Variants in DENND2B observed in about 807,000 individuals in gnomAD.
DENND2B encodes DENN domain-containing protein 2B.
Under a neutral mutation model 116.0 loss-of-function variants are expected in DENND2B, and 32 were observed. The observed-to-expected ratio is 0.28, with a 90% CI of 0.21 to 0.37. The LOEUF (loss-of-function observed/expected upper bound fraction) is 0.37, where lower values mean the gene tolerates loss of function less well. Among genes scored for constraint, DENND2B ranks in the 10% least tolerant of loss-of-function variants. The probability of loss-of-function intolerance (pLI) is 1.00; values close to 1 mark genes in which losing one functional copy is unlikely to be tolerated. For missense variants in DENND2B, 1,276 were observed against 1,477.7 expected (o/e 0.86, Z 2.24); for synonymous variants, 588 against 583.9 (o/e 1.01, Z -0.10).
chr11:8,707,729 G>T lies in DENND2B; in HGVS notation c.2430+48C>A. 6.4e-7 allele frequency: 1 copy of T among 1,556,332 alleles called. No individual in the cohort carries two copies. The highest frequency in any genetic ancestry group is 1.2e-5 in the South Asian group (1 of 85,354). On this transcript the variant is annotated intron_variant, in intron 12 of 19. Coordinates refer to ENST00000313726, the MANE Select transcript of DENND2B (RefSeq NM_213618.2). This position sits in a 1 kb window ranked among gnomAD's most constrained non-coding sequence, Gnocchi z 4.8. ...AAGCTGGCTGCAGATACTCCTGTGGGAGCTGTCAGCTGGGGGACGGGGAGG... is the reference window on the plus strand; with the variant it reads ...AAGCTGGCTGCAGATACTCCTGTGGTAGCTGTCAGCTGGGGGACGGGGAGG...
chr11:8,709,606 C>T (rs1341790531), intron 11 of DENND2B, among the ~76,000 whole-genome samples: 1 of 152,188 alleles, frequency 6.6e-6, no homozygotes, highest in Admixed American at 6.5e-5. Flanking sequence ...GGCATTCTAC[C>T]TCCCCACGCC....
chr11:8,699,411 CAG>C lies in DENND2B; in HGVS notation c.2721-23_2721-22del, dbSNP rs547989313. On this transcript the variant is annotated intron_variant, in intron 14 of 19. Coordinates refer to ENST00000313726, the MANE Select transcript of DENND2B (RefSeq NM_213618.2). ...GGGTACTGATGGGCAGACAGAGAGA[CAG>C]AGTACCTGAGCCCAGGCCCAGGAAC... The C allele has an allele frequency of 5.3e-5, 84 of 1,578,150 alleles. No individual in the cohort carries two copies. In the African/African-American group the frequency reaches 9.5e-4, roughly 18 times the overall value.
intron 1 of DENND2B, among the ~76,000 whole-genome samples, chr11:8,895,105 C>T (rs1171922503): frequency 1.3e-5 from 2 of 151,990 alleles, no homozygotes; most frequent in Non-Finnish European, 2.9e-5. Context: ...TGTAGGGACA[C>T]GGATGAAGCT....
At chr11:8,875,568 G>A (rs1019987478), upstream of DENND2B, among the ~76,000 whole-genome samples, 9 of 151,328 alleles carry the variant, frequency 5.9e-5, no homozygotes, top group African/African-American at 2.2e-4. Context: ...ACAACACATG[G>A]CTAATCTTTT....
intron 4 of DENND2B, among the ~76,000 whole-genome samples, chr11:8,817,705 C>A (rs566291876): frequency 6.6e-6 from 1 of 152,300 alleles, no homozygotes; most frequent in East Asian, 1.9e-4. Context: ...CAGCTCACAA[C>A]CCTCCGTATA....
chr11:8,696,515 G>A lies in DENND2B; in HGVS notation c.3204C>T (p.Ser1068=), dbSNP rs368933981. 77 of 1,614,092 alleles carry A rather than the reference G, an allele frequency of 4.8e-5. 1 individual carries two copies. Among genetic ancestry groups the A allele is most frequent in the South Asian group, 4.0e-4 (36 of 91,086 alleles). The change falls in exon 18 of 20, where the codon AGC becomes AGT. Residue 1068 remains serine (S), a synonymous_variant. Coordinates refer to ENST00000313726, the MANE Select transcript of DENND2B (RefSeq NM_213618.2). ...EAFRKSVASK[S]IRRFLEVFME... ...TAAAAACCTCAAGAAAGCGGCGGAT[G>A]CTTTTGGAGGCCACAGATTTGCGGA...
intron 11 of DENND2B, among the ~76,000 whole-genome samples, chr11:8,710,052 C>A (rs530033622): frequency 2.6e-5 from 4 of 152,218 alleles, no homozygotes; most frequent in African/African-American, 7.2e-5. Context: ...AATGAATGGC[C>A]GGCCCCAAAT....
intron 4 of DENND2B, among the ~76,000 whole-genome samples, chr11:8,721,005 G>C (rs1334676622): frequency 1.3e-5 from 2 of 152,010 alleles, no homozygotes; most frequent in Non-Finnish European, 2.9e-5. Flanking sequence ...GCTTTCTTGG[G>C]ACAGTCCACA....
chr11:8,772,156 CA>C (rs1250168278), intron 1 of DENND2B, among the ~76,000 whole-genome samples: 9 of 151,824 alleles, frequency 5.9e-5, no homozygotes, highest in Non-Finnish European at 1.0e-4. Flanking sequence ...CACACACACA[CA>C]CACCAAAATT....
chr11:8,777,960 G>A (rs901537117), intron 1 of DENND2B, among the ~76,000 whole-genome samples: 1 of 152,176 alleles, frequency 6.6e-6, no homozygotes, highest in Non-Finnish European at 1.5e-5. Flanking sequence ...CTTTTCCAGA[G>A]AGGCTGAATG....
chr11:8,904,555 G>T (rs941254280), intron 1 of DENND2B, among the ~76,000 whole-genome samples: 1 of 152,140 alleles, frequency 6.6e-6, no homozygotes, highest in Non-Finnish European at 1.5e-5. Flanking sequence ...ATTCAACATT[G>T]TACTACAGGT....
Position 8,706,801 on chromosome 11 carries a change from G to C in DENND2B, c.2571+284C>G, listed in dbSNP as rs1002328595. Among the ~76,000 whole-genome samples the C allele has an allele frequency of 2.0e-5, 3 of 152,200 alleles. No homozygotes were observed. The East Asian group carries it at 5.8e-4, about 29-fold the overall frequency. Reference sequence around the variant, plus strand: ...GGTCTGGCGCAATCCCTGATTGTGAGATGGCACACATTCAGTAACTGTTCA... The same window carrying C: ...GGTCTGGCGCAATCCCTGATTGTGACATGGCACACATTCAGTAACTGTTCA... On this transcript the variant is annotated intron_variant, in intron 13 of 19. Coordinates refer to ENST00000313726, the MANE Select transcript of DENND2B (RefSeq NM_213618.2).
chr11:8,720,588 G>C (rs539259633), intron 4 of DENND2B, among the ~76,000 whole-genome samples: 1 of 152,132 alleles, frequency 6.6e-6, no homozygotes, highest in Non-Finnish European at 1.5e-5. Flanking sequence ...GCAAATAGAC[G>C]GCTGGCTGCA....
chr11:8,739,249 G>A (rs1473749130), intron 2 of DENND2B, among the ~76,000 whole-genome samples: 5 of 152,110 alleles, frequency 3.3e-5, no homozygotes, highest in East Asian at 1.9e-4. Flanking sequence ...CGAAGCACTC[G>A]GTGCAGCCCA....
chr11:8,767,056 C>G (rs2055949342), intron 1 of DENND2B, among the ~76,000 whole-genome samples: 1 of 152,228 alleles, frequency 6.6e-6, no homozygotes, highest in African/African-American at 2.4e-5. Context: ...CCAGGACCTT[C>G]TCTTTCCCTC....
In DENND2B at chr11:8,710,830, A is replaced by G. The variant is rs1565672126; in HGVS notation, c.2352+15T>C. 6.2e-7 allele frequency: 1 copy of G among 1,612,884 alleles called. No individual in the cohort carries two copies. The highest frequency in any genetic ancestry group is 1.7e-5 in the Admixed American group (1 of 59,944). ...CCCCTGCCTGCTGGCCTGAGGACCGAATGGCCTCACTCACCAGTAAGCGCC... is the reference window on the plus strand; with the variant it reads ...CCCCTGCCTGCTGGCCTGAGGACCGGATGGCCTCACTCACCAGTAAGCGCC... On this transcript the variant is annotated intron_variant, in intron 11 of 19. Coordinates refer to ENST00000313726, the MANE Select transcript of DENND2B (RefSeq NM_213618.2).
At chr11:8,797,516 C>T (rs561324281) in intron 1 of DENND2B, among the ~76,000 whole-genome samples, 1 of 144,136 alleles carries the variant, frequency 6.9e-6, no homozygotes, top group African/African-American at 2.6e-5. Context: ...TCCCACTTCC[C>T]TCTTCCCCCT....
intron 1 of DENND2B, among the ~76,000 whole-genome samples, chr11:8,892,673 T>C (rs1182448346): frequency 6.6e-6 from 1 of 152,172 alleles, no homozygotes; most frequent in Non-Finnish European, 1.5e-5. Context: ...TCTGGACACA[T>C]ACACCCTCCC....
intron 1 of DENND2B, among the ~76,000 whole-genome samples, chr11:8,786,364 A>G (rs2134295121): frequency 6.6e-6 from 1 of 152,370 alleles, no homozygotes; most frequent in South Asian, 2.1e-4. Flanking sequence ...GGTTTAAAAA[A>G]AGTAAAAATT....
Sources: allele counts gnomAD v4.1 joint callset (sites outside exome capture counted in the v4.1 genomes callset), GRCh38; gene constraint gnomAD v4.1.1; non-coding constraint Gnocchi (gnomAD v3.1); transcripts MANE v1.5; gene names NCBI Gene and HGNC (gene_info 2026-07-23, HGNC 2026-07-21).